Variants in ABCC4 observed in about 807,000 individuals in gnomAD.
ABCC4 encodes ATP-binding cassette sub-family C member 4.
In ABCC4, 102 loss-of-function variants were observed where a neutral mutation model predicts 168.5. The observed-to-expected ratio is 0.61, with a 90% CI of 0.52 to 0.71. ABCC4 has a LOEUF of 0.71. ABCC4 is among the 30% of genes least tolerant of loss of function. ABCC4 has a pLI of 0.00. For missense variants in ABCC4, 1,402 were observed against 1,605.8 expected, an observed-to-expected ratio of 0.87 and a Z score of 2.17; for synonymous variants, 617 against 590.7, an observed-to-expected ratio of 1.04 and a Z score of -0.65.
At chr13:95,069,246 C>T (rs369096928) in intron 25 of ABCC4, among the ~76,000 whole-genome samples, 13 of 152,190 alleles carry the variant, frequency 8.5e-5, no homozygotes, top group South Asian at 6.2e-4. Flanking sequence ...TGTGCATATC[C>T]CTCACTCTCA....
chr13:95,026,562 C>T (rs1365221545), intron 30 of ABCC4, among the ~76,000 whole-genome samples: 1 of 152,022 alleles, frequency 6.6e-6, no homozygotes, highest in Non-Finnish European at 1.5e-5. Flanking sequence ...ACAATAATGT[C>T]CTAGGAAAAC....
At chr13:95,291,605 C>T (rs1027384430) in intron 1 of ABCC4, among the ~76,000 whole-genome samples, 1 of 152,194 alleles carries the variant, frequency 6.6e-6, no homozygotes, top group African/African-American at 2.4e-5. Context: ...TAAACGTTAG[C>T]ATCTACAAAA....
intron 20 of ABCC4, among the ~76,000 whole-genome samples, chr13:95,113,812 G>T (rs989606244): frequency 6.6e-6 from 1 of 152,136 alleles, no homozygotes. Flanking sequence ...TGTTTACCAC[G>T]TTTCACTTGA....
Position 95,071,717 on chromosome 13 carries a change from G to A in ABCC4, c.3155C>T (p.Pro1052Leu). Reference protein sequence around the residue: ...IFDNVNFMYSPGGPLVLKHLT... With the variant: ...IFDNVNFMYSLGGPLVLKHLT... ...ATGCTTCAGTACCAGAGGCCCACCTGGACTGTACATGAAGTTCACATTGTC... is the reference window on the plus strand; with the variant it reads ...ATGCTTCAGTACCAGAGGCCCACCTAGACTGTACATGAAGTTCACATTGTC... Residue 1052 changes from proline (P) to leucine (L), a missense_variant, in exon 25 of 31, where the codon CCA (proline) becomes CTA (leucine). By Grantham distance (98) the Pro-to-Leu change is moderately conservative. Around this residue, in one of 3 missense-constraint regions of ABCC4, gnomAD observed 1,007 missense variants for 1,127.3 expected, o/e 0.89. Transcript: ENST00000645237. 6.3e-7 allele frequency: 1 copy of A among 1,584,848 alleles called. No homozygotes were observed. The highest frequency in any genetic ancestry group is 8.6e-7 in the Non-Finnish European group (1 of 1,167,250).
chr13:95,118,601 T>A lies in ABCC4; in HGVS notation c.2456-2600A>T, dbSNP rs956937457. On this transcript the variant is annotated intron_variant, in intron 19 of 30. Transcript: ENST00000645237. ...TCATAATCAGAGCTGTGATGTCAAG[T>A]TCACAGTCTCACAGTCATTTTCCCA... Among the ~76,000 whole-genome samples the A allele has an allele frequency of 2.6e-4, 40 of 152,308 alleles. 1 individual carries two copies. The highest frequency in any genetic ancestry group is 9.6e-4 in the African/African-American group (40 of 41,576).
chr13:95,066,300 C>A (rs2033541744), intron 25 of ABCC4, among the ~76,000 whole-genome samples: 1 of 152,200 alleles, frequency 6.6e-6, no homozygotes, highest in Non-Finnish European at 1.5e-5. Context: ...GGATTTCTCC[C>A]ACACTTAATG....
intron 26 of ABCC4, among the ~76,000 whole-genome samples, chr13:95,056,972 G>A (rs2033083405): frequency 6.6e-6 from 1 of 152,196 alleles, no homozygotes; most frequent in Admixed American, 6.5e-5. Context: ...ATTTGTGCCA[G>A]TAGGATTGGA....
intron 30 of ABCC4, among the ~76,000 whole-genome samples, chr13:95,031,475 C>T (rs2139215544): frequency 6.6e-6 from 1 of 152,328 alleles, no homozygotes; most frequent in South Asian, 2.1e-4. Context: ...CACATGAAGA[C>T]ACATGACCCA....
chr13:95,230,259 G>A (rs2039583836), intron 4 of ABCC4, among the ~76,000 whole-genome samples: 1 of 152,160 alleles, frequency 6.6e-6, no homozygotes, highest in Non-Finnish European at 1.5e-5. Flanking sequence ...CATTTCAACA[G>A]ACCACCCTTG....
chr13:95,240,184 G>A (rs929556477), intron 3 of ABCC4, among the ~76,000 whole-genome samples: 3 of 152,336 alleles, frequency 2.0e-5, no homozygotes, highest in Admixed American at 6.5e-5. Context: ...GGAGGGATAT[G>A]CAATGAGCCC....
chr13:95,043,359 T>A (rs933593531), intron 29 of ABCC4: 1 of 234,328 alleles, frequency 4.3e-6, no homozygotes, highest in South Asian at 1.4e-4. Context: ...ACTGTGACAG[T>A]GACAATGACT....
At chr13:95,050,178 C>A (rs2032768391) in intron 27 of ABCC4, among the ~76,000 whole-genome samples, 2 of 152,162 alleles carry the variant, frequency 1.3e-5, no homozygotes. Flanking sequence ...AACACACACA[C>A]ATAACTTCAC....
rs184254531 is a variant in ABCC4, at chr13:95,142,595, T to A, written c.2455+18594A>T. 7.1e-3 allele frequency among the ~76,000 whole-genome samples: 1,080 copies of A among 151,360 alleles called. 8 individuals carry two copies. The highest frequency in any genetic ancestry group is 0.021 in the Middle Eastern group (6 of 290). The stretch of plus-strand genomic sequence containing the variant: ...TAGCCTATGGAAATAAAAAAAAAAA[T>A]TTTTAAATTTAACAAAAGATCATGA... On this transcript the variant is annotated intron_variant, in intron 19 of 30. Transcript: ENST00000645237.
intron 1 of ABCC4, among the ~76,000 whole-genome samples, chr13:95,277,537 T>C (rs1008424287): frequency 1.4e-5 from 2 of 147,614 alleles, no homozygotes; most frequent in Non-Finnish European, 3.0e-5. Context: ...GCTGGGACCA[T>C]GCCATTGCAC....
chr13:95,283,534 C>A (rs1401818701), intron 1 of ABCC4, among the ~76,000 whole-genome samples: 1 of 152,028 alleles, frequency 6.6e-6, no homozygotes, highest in Non-Finnish European at 1.5e-5. Flanking sequence ...CTCATTCCCT[C>A]CATTCCTGCC....
chr13:95,191,937 G>A (rs897832808), intron 9 of ABCC4, among the ~76,000 whole-genome samples: 2 of 152,242 alleles, frequency 1.3e-5, no homozygotes, highest in Non-Finnish European at 2.9e-5. Context: ...CAGCCAGAAG[G>A]GGGCAGCACT....
intron 20 of ABCC4, among the ~76,000 whole-genome samples, chr13:95,113,020 A>G (rs2035256298): frequency 6.6e-6 from 1 of 152,232 alleles, no homozygotes; most frequent in Non-Finnish European, 1.5e-5. Flanking sequence ...GACGAGGCCT[A>G]AAATTCAACT....
chr13:95,298,363 A>G (rs548701023), intron 1 of ABCC4, among the ~76,000 whole-genome samples: 1 of 152,298 alleles, frequency 6.6e-6, no homozygotes, highest in Admixed American at 6.5e-5. Flanking sequence ...TACTGTAATA[A>G]TACTCCAATG....
chr13:95,225,602 G>A (rs141735320), intron 4 of ABCC4, among the ~76,000 whole-genome samples: 2,714 of 152,194 alleles, frequency 0.018, 82 homozygotes, highest in African/African-American at 0.062. Flanking sequence ...CCCAGGAGGC[G>A]GAGGTTGCAG....
Sources: gnomAD v4.1 joint callset for allele counts (sites outside exome capture counted in the v4.1 genomes callset) on GRCh38, gnomAD v4.1.1 for gene constraint, gnomAD v4.1.1 regional missense constraint, MANE v1.5 for transcripts, NCBI Gene and HGNC (gene_info 2026-07-23, HGNC 2026-07-21) for gene names.